SLC44A5: variants seen among roughly 807,000 people sequenced by gnomAD.
SLC44A5 encodes the protein solute carrier family 44 member 5.
SLC44A5 carries 57 observed loss-of-function variants against 101.8 expected under a neutral mutation model. That is an observed-to-expected ratio of 0.56 (90% CI 0.45 to 0.70). SLC44A5 has a LOEUF of 0.70. SLC44A5 is among the 30% of genes least tolerant of loss of function. The pLI, the probability that SLC44A5 is intolerant of heterozygous loss-of-function variation, is 0.00. For synonymous variants in SLC44A5, 281 were observed against 290.9 expected (o/e 0.97, Z 0.35); for missense variants, 737 against 853.1 (o/e 0.86, Z 1.70).
intron 5 of SLC44A5, among the ~76,000 whole-genome samples, chr1:75,291,330 G>A (rs681689): frequency 0.83 from 126,540 of 152,154 alleles, 52,896 homozygotes; most frequent in East Asian, 0.97. Context: ...TAATTTCTTC[G>A]TTCATTCTAC....
At chr1:75,359,468 T>C (rs1162749043) in intron 3 of SLC44A5, among the ~76,000 whole-genome samples, 1 of 151,832 alleles carries the variant, frequency 6.6e-6, no homozygotes, top group East Asian at 1.9e-4. Context: ...CTGGAACTCC[T>C]GGGCTCAAGC....
At chr1:75,703,896 A>T in the SLC44A5 span, among the ~76,000 whole-genome samples, 2 of 152,120 alleles carry the variant, frequency 1.3e-5, no homozygotes, top group African/African-American at 4.8e-5. Flanking sequence ...AAAGAAAAAA[A>T]AAACCTCCAG....
chr1:75,697,714 C>T, the SLC44A5 span, among the ~76,000 whole-genome samples: 1 of 152,122 alleles, frequency 6.6e-6, no homozygotes, highest in Non-Finnish European at 1.5e-5. Flanking sequence ...AGAAGACGGG[C>T]GATTTCTGCA....
Position 75,234,097 on chromosome 1 carries a change from C to A in SLC44A5, c.742G>T (p.Gly248Cys), listed in dbSNP as rs748348177. The change falls in exon 12 of 24, where the codon GGC (glycine) becomes TGC (cysteine). Residue 248 changes from glycine to cysteine, a missense_variant and splice_region_variant. Physicochemically the swap from Gly to Cys is radical, Grantham distance 159. Transcript: ENST00000370859. Reference protein sequence around the residue: ...YARTWYWILIGLTIAMVLSWI... With the variant: ...YARTWYWILICLTIAMVLSWI... ...CTAAGGACCATGGCAATCGTCAGGC[C>A]ACTAGAAAAAACCCACAACAAACAC... The A allele has an allele frequency of 6.2e-7, 1 of 1,611,428 alleles. No homozygotes were observed. The highest frequency in any genetic ancestry group is 8.5e-7 in the Non-Finnish European group (1 of 1,178,110).
chr1:75,580,608 G>A (rs1470991619), intron 1 of SLC44A5, among the ~76,000 whole-genome samples: 1 of 152,200 alleles, frequency 6.6e-6, no homozygotes, highest in Non-Finnish European at 1.5e-5. Context: ...AGGGGCTGAG[G>A]AGGGTGGATC....
intron 2 of SLC44A5, among the ~76,000 whole-genome samples, chr1:75,511,981 A>T (rs1054742608): frequency 6.6e-6 from 1 of 152,202 alleles, no homozygotes; most frequent in African/African-American, 2.4e-5. Flanking sequence ...ACGAAAAGTT[A>T]TGTGGAGGGC....
Position 75,421,611 on chromosome 1 carries a change from G to A in SLC44A5, c.14-24990C>T, listed in dbSNP as rs564407013. On this transcript the variant is annotated intron_variant, in intron 2 of 23. Coordinates refer to ENST00000370859, the MANE Select transcript of SLC44A5 (RefSeq NM_001130058.2). ...GGTGCCCTAATAGTCTGAGAAATTT[G>A]CTAAGGCTTTCCTCTTCTTTCATTA... 3.9e-5 allele frequency among the ~76,000 whole-genome samples: 6 copies of A among 152,208 alleles called. 1 individual carries two copies. The South Asian group carries it at 1.0e-3, about 26-fold the overall frequency.
At chr1:75,606,406 C>A (rs1675327871) in intron 1 of SLC44A5, among the ~76,000 whole-genome samples, 1 of 151,796 alleles carries the variant, frequency 6.6e-6, no homozygotes, top group South Asian at 2.1e-4. Flanking sequence ...TAAAAAGCAC[C>A]CAAAATTTAA....
the SLC44A5 span, among the ~76,000 whole-genome samples, chr1:75,722,188 G>A: frequency 6.6e-6 from 1 of 152,146 alleles, no homozygotes; most frequent in Admixed American, 6.5e-5. Flanking sequence ...TTTGAATCTA[G>A]GTGATAATGA....
intron 3 of SLC44A5, among the ~76,000 whole-genome samples, chr1:75,351,211 T>C (rs1247025066): frequency 6.6e-6 from 1 of 152,012 alleles, no homozygotes; most frequent in African/African-American, 2.4e-5. Flanking sequence ...AAAATGTGAA[T>C]GTTTAGAACC....
intron 3 of SLC44A5, among the ~76,000 whole-genome samples, chr1:75,350,910 A>C (rs1658602083): frequency 6.6e-6 from 1 of 150,642 alleles, no homozygotes; most frequent in Admixed American, 6.6e-5. Flanking sequence ...AAAAAAAAAA[A>C]AGACAGAAAG....
intron 3 of SLC44A5, among the ~76,000 whole-genome samples, chr1:75,369,645 C>A (rs1660098126): frequency 6.6e-6 from 1 of 152,018 alleles, no homozygotes; most frequent in Non-Finnish European, 1.5e-5. Flanking sequence ...CATAGCAATA[C>A]TTTTGGCACA....
intron 1 of SLC44A5, among the ~76,000 whole-genome samples, chr1:75,558,996 A>G (rs552214928): frequency 5.9e-5 from 9 of 152,192 alleles, no homozygotes; most frequent in African/African-American, 1.7e-4. Flanking sequence ...AAGTGCAGCT[A>G]TTGACTTGCT....
chr1:75,383,597 G>T (rs1187066705), intron 3 of SLC44A5, among the ~76,000 whole-genome samples: 1 of 152,206 alleles, frequency 6.6e-6, no homozygotes, highest in African/African-American at 2.4e-5. Context: ...ACCTGAAAGT[G>T]ACGGGGAGAA....
chr1:75,481,408 T>C (rs1047098602), intron 2 of SLC44A5, among the ~76,000 whole-genome samples: 1 of 152,090 alleles, frequency 6.6e-6, no homozygotes, highest in Admixed American at 6.5e-5. Flanking sequence ...ACAAATGGGA[T>C]CTAGTTAAAC....
intron 1 of SLC44A5, among the ~76,000 whole-genome samples, chr1:75,558,709 T>G (rs1441319526): frequency 6.6e-6 from 1 of 152,138 alleles, no homozygotes; most frequent in African/African-American, 2.4e-5. Context: ...GCCCTGAGAC[T>G]TCAATATTGA....
At chr1:75,246,167 T>C (rs1248134416) in intron 7 of SLC44A5, among the ~76,000 whole-genome samples, 1 of 152,132 alleles carries the variant, frequency 6.6e-6, no homozygotes, top group Non-Finnish European at 1.5e-5. Context: ...TTAATTCAGA[T>C]AGTCTTAACA....
intron 1 of SLC44A5, among the ~76,000 whole-genome samples, chr1:75,591,070 A>G (rs1422789138): frequency 1.3e-5 from 2 of 152,190 alleles, no homozygotes; most frequent in Non-Finnish European, 2.9e-5. Context: ...GGTGGCTCAG[A>G]ACAGAGAGAG....
At chr1:75,341,847 C>G (rs1051110559) in intron 3 of SLC44A5, among the ~76,000 whole-genome samples, 1 of 152,124 alleles carries the variant, frequency 6.6e-6, no homozygotes, top group Non-Finnish European at 1.5e-5. Context: ...AGCTCAAAAA[C>G]TTTTAGGGGT....
Sources: gnomAD v4.1 joint callset for allele counts (sites outside exome capture counted in the v4.1 genomes callset) on GRCh38, gnomAD v4.1.1 for gene constraint, MANE v1.5 for transcripts, NCBI Gene and HGNC (gene_info 2026-07-23, HGNC 2026-07-21) for gene names.